The following ZNF90 variants were observed in gnomAD, a reference collection of about 807,000 sequenced individuals.
ZNF90 encodes the protein zinc finger protein 90.
Under a neutral mutation model 12.0 loss-of-function variants are expected in ZNF90, and 11 were observed. The observed-to-expected ratio is 0.92, with a 90% CI of 0.58 to 1.52. The LOEUF is 1.52. Ranked by LOEUF, ZNF90 falls within the 40% of genes most tolerant of loss-of-function variation. ZNF90 has a pLI of 0.00. For missense variants in ZNF90, 765 were observed against 711.5 expected (o/e 1.08, Z -0.86); for synonymous variants, 232 against 240.1 (o/e 0.97, Z 0.31).
At chr19:20,085,266 G>GTCTTTTTTTTTTCTTTTTTT (rs1176054932) in intron 1 of ZNF90, among the ~76,000 whole-genome samples, 2 of 73,526 alleles carry the variant, frequency 2.7e-5, no homozygotes, top group Non-Finnish European at 5.3e-5. Context: ...TGTTGCATTG[G>GTCTTTTTTTTTTCTTTTTTT]TCTTTTTTTT....
chr19:20,101,016 T>A (rs1451403877), intron 1 of ZNF90, among the ~76,000 whole-genome samples: 3 of 151,964 alleles, frequency 2.0e-5, no homozygotes, highest in African/African-American at 7.3e-5. Flanking sequence ...CTCTATTAAA[T>A]CTTGCAACTG....
intron 3 of ZNF90, among the ~76,000 whole-genome samples, chr19:20,110,009 C>G (rs1555704893): frequency 1.3e-5 from 2 of 152,174 alleles, no homozygotes; most frequent in Non-Finnish European, 2.9e-5. Flanking sequence ...ATGATTTTGA[C>G]TACTTATTTC....
Position 20,117,784 on chromosome 19 carries a change from T to C in ZNF90, c.230T>C (p.Met77Thr), listed in dbSNP as rs781921131. The C allele has an allele frequency of 6.6e-6, 10 of 1,514,302 alleles. No individual in the cohort carries two copies. The highest frequency in any genetic ancestry group is 1.8e-4 in the Middle Eastern group (1 of 5,630). The allele number at this position is 1,514,302 out of a possible 1,614,324, so 93.8% of individuals were successfully genotyped here. A position where few individuals can be genotyped will look rare whatever the true frequency, so the allele number is the denominator to read the frequency against. Residue 77 changes from methionine (M) to threonine (T), a missense_variant, in exon 4 of 4, where the codon ATG (methionine) becomes ACG (threonine). Coordinates refer to ENST00000418063, the MANE Select transcript of ZNF90 (RefSeq NM_007138.2). Reference protein sequence around the residue: ...RHEMIAKSPVMCFHFAQDLCP... With the variant: ...RHEMIAKSPVTCFHFAQDLCP... ...GTGTTCTTATTGTTTCTTTCAGTTATGTGTTTTCATTTTGCCCAAGACCTT... is the reference window on the plus strand; with the variant it reads ...GTGTTCTTATTGTTTCTTTCAGTTACGTGTTTTCATTTTGCCCAAGACCTT...
At chr19:20,109,546 C>T (rs1327784586) in intron 3 of ZNF90, among the ~76,000 whole-genome samples, 1 of 151,850 alleles carries the variant, frequency 6.6e-6, no homozygotes. Flanking sequence ...AAACACATAA[C>T]ATAAAATTTA....
At chr19:20,109,226 C>T (rs1375430013) in intron 3 of ZNF90, among the ~76,000 whole-genome samples, 1 of 152,124 alleles carries the variant, frequency 6.6e-6, no homozygotes, top group Non-Finnish European at 1.5e-5. Flanking sequence ...TCTGTTTGTA[C>T]ACTTTAAGTC....
intron 1 of ZNF90, among the ~76,000 whole-genome samples, chr19:20,094,256 T>C (rs1490457940): frequency 1.3e-5 from 2 of 152,178 alleles, no homozygotes; most frequent in Non-Finnish European, 2.9e-5. Flanking sequence ...ATTGTGCACC[T>C]TGAAGGTGAG....
At chr19:20,079,935 CTCTT>C in intron 1 of ZNF90, 1 of 398,564 alleles carries the variant, frequency 2.5e-6, no homozygotes, top group Non-Finnish European at 4.8e-6. Flanking sequence ...ATCGTATTTC[CTCTT>C]TTTTTTTTTT....
At chr19:20,085,268 C>CTTTTTTTTTTCTTTT (rs56068843) in intron 1 of ZNF90, among the ~76,000 whole-genome samples, 4 of 135,576 alleles carry the variant, frequency 3.0e-5, no homozygotes, top group Admixed American at 2.3e-4. Context: ...TTGCATTGGT[C>CTTTTTTTTTTCTTTT]TTTTTTTTTT....
At chr19:20,089,593 G>C (rs1372550363) in intron 1 of ZNF90, among the ~76,000 whole-genome samples, 5 of 152,158 alleles carry the variant, frequency 3.3e-5, no homozygotes, top group Non-Finnish European at 5.9e-5. Context: ...TTTGTGTTGT[G>C]AGAGGTCCAA....
In ZNF90 at chr19:20,116,319, G is replaced by A. The variant is rs1303510042; in HGVS notation, c.227-1462G>A. On this transcript the variant is annotated intron_variant, in intron 3 of 3. Transcript: ENST00000418063. ...CAAGCAGCTTGGATTACAGGCTTAT[G>A]CCACCATGCCCAGTTAATTTTTGAG... 2.0e-5 allele frequency among the ~76,000 whole-genome samples: 3 copies of A among 151,996 alleles called. No homozygotes were observed. The East Asian group carries it at 5.8e-4, about 29-fold the overall frequency.
Position 20,081,540 on chromosome 19 carries a change from T to C in ZNF90, c.3+3405T>C, listed in dbSNP as rs565083424. On this transcript the variant is annotated intron_variant, in intron 1 of 3. Transcript: ENST00000418063. The stretch of plus-strand genomic sequence containing the variant: ...AAGAACCCACAAGTGTCTACAAGTC[T>C]CCTGGCATATCCCCACCCCCAGACA... 7.2e-5 allele frequency among the ~76,000 whole-genome samples: 11 copies of C among 152,276 alleles called. 1 individual carries two copies. The South Asian group carries it at 2.1e-3, about 29-fold the overall frequency.
At chr19:20,097,805 C>A (rs1377281629) in intron 1 of ZNF90, among the ~76,000 whole-genome samples, 2 of 152,312 alleles carry the variant, frequency 1.3e-5, no homozygotes, top group African/African-American at 4.8e-5. Context: ...AAACTGTTCA[C>A]AATTGCCACA....
chr19:20,107,047 A>T (rs1452841677), intron 3 of ZNF90: 5 of 454,022 alleles, frequency 1.1e-5, no homozygotes, highest in Non-Finnish European at 1.8e-5. Flanking sequence ...GATGTGGATG[A>T]GTATGGCTCT....
At chr19:20,096,431 GAGTC>G (rs1391191821) in intron 1 of ZNF90, among the ~76,000 whole-genome samples, 1 of 152,158 alleles carries the variant, frequency 6.6e-6, no homozygotes, top group Non-Finnish European at 1.5e-5. Flanking sequence ...TCCGAAAAGA[GAGTC>G]AGCGAAGGGA....
At chr19:20,097,967 CTT>C (rs1422680715) in intron 1 of ZNF90, among the ~76,000 whole-genome samples, 7 of 152,234 alleles carry the variant, frequency 4.6e-5, no homozygotes, top group Non-Finnish European at 8.8e-5. Flanking sequence ...CTGTGTTTCT[CTT>C]ATTGTCTTTA....
chr19:20,091,868 A>G (rs1048073479), intron 1 of ZNF90, among the ~76,000 whole-genome samples: 1 of 152,226 alleles, frequency 6.6e-6, no homozygotes, highest in African/African-American at 2.4e-5. Context: ...TAAGGTAACT[A>G]GTTCGGCTTG....
chr19:20,095,497 A>G (rs1555703153), intron 1 of ZNF90, among the ~76,000 whole-genome samples: 2 of 152,040 alleles, frequency 1.3e-5, no homozygotes. Flanking sequence ...AAACCAAGAG[A>G]AAAGAGAGCA....
chr19:20,108,845 G>C (rs534622160), intron 3 of ZNF90, among the ~76,000 whole-genome samples: 2 of 147,032 alleles, frequency 1.4e-5, no homozygotes, highest in Admixed American at 7.0e-5. Flanking sequence ...TTCTGCATCA[G>C]CTTCCCGAGT....
chr19:20,116,799 T>A (rs1835984), intron 3 of ZNF90, among the ~76,000 whole-genome samples: 10,775 of 152,042 alleles, frequency 0.071, 1,288 homozygotes, highest in African/African-American at 0.25. Context: ...CCATTCCCTG[T>A]TTGGGGTACT....
Sources: gnomAD v4.1 joint callset for allele counts (sites outside exome capture counted in the v4.1 genomes callset) on GRCh38, gnomAD v4.1.1 for gene constraint, MANE v1.5 for transcripts, NCBI Gene and HGNC (gene_info 2026-07-23, HGNC 2026-07-21) for gene names.